GPC5: variants seen among roughly 807,000 people sequenced by gnomAD.
GPC5 encodes the protein glypican 5.
GPC5 carries 47 observed loss-of-function variants against 53.9 expected under a neutral mutation model. The observed-to-expected ratio is 0.87, with a 90% CI of 0.69 to 1.11. The LOEUF (loss-of-function observed/expected upper bound fraction) is 1.11. Among genes scored for constraint, GPC5 ranks in the 50% most tolerant of loss-of-function variants. The pLI, the probability that GPC5 is intolerant of heterozygous loss-of-function variation, is 0.00. For synonymous variants in GPC5, 286 were observed against 263.3 expected (o/e 1.09, Z -0.84); for missense variants, 748 against 713.1 (o/e 1.05, Z -0.56).
intron 6 of GPC5, among the ~76,000 whole-genome samples, chr13:91,963,660 G>A (rs1302123158): frequency 1.3e-5 from 2 of 152,080 alleles, no homozygotes; most frequent in African/African-American, 4.8e-5. Context: ...CAGGAACAGA[G>A]ACAAAAAGAT....
chr13:91,560,063 T>C (rs1594253379), intron 2 of GPC5, among the ~76,000 whole-genome samples: 1 of 148,828 alleles, frequency 6.7e-6, no homozygotes, highest in South Asian at 2.2e-4. Flanking sequence ...AGATATAGGA[T>C]GTTATCTTGT....
intron 5 of GPC5, among the ~76,000 whole-genome samples, chr13:91,887,971 A>G (rs1052448695): frequency 2.0e-5 from 3 of 152,182 alleles, no homozygotes; most frequent in African/African-American, 7.2e-5. Context: ...AGTCGCTGCC[A>G]CATTTTTGGG....
At chr13:91,917,986 T>C (rs771973578) in intron 6 of GPC5, among the ~76,000 whole-genome samples, 2 of 152,224 alleles carry the variant, frequency 1.3e-5, no homozygotes, top group Non-Finnish European at 2.9e-5. Context: ...CCAATTTTAC[T>C]GTATTAGTCT....
At chr13:91,970,234 A>C (rs963094346) in intron 6 of GPC5, among the ~76,000 whole-genome samples, 9 of 152,180 alleles carry the variant, frequency 5.9e-5, no homozygotes, top group African/African-American at 2.2e-4. Flanking sequence ...AACTTATAGA[A>C]ATAGAAGTAG....
intron 7 of GPC5, among the ~76,000 whole-genome samples, chr13:92,274,988 A>G (rs1029369182): frequency 2.0e-5 from 3 of 152,114 alleles, no homozygotes; most frequent in Non-Finnish European, 4.4e-5. Flanking sequence ...TAATGAATAT[A>G]TGATTTATAT....
intron 7 of GPC5, among the ~76,000 whole-genome samples, chr13:92,283,494 A>T (rs530673610): frequency 6.6e-6 from 1 of 152,364 alleles, no homozygotes; most frequent in Non-Finnish European, 1.5e-5. Flanking sequence ...AGTTGGAAGT[A>T]AAGCACTCCT....
At chr13:91,925,158 T>G (rs1178894744) in intron 6 of GPC5, among the ~76,000 whole-genome samples, 1 of 152,126 alleles carries the variant, frequency 6.6e-6, no homozygotes, top group Non-Finnish European at 1.5e-5. Context: ...TTCAAGATAT[T>G]GTAAATTTAA....
intron 1 of GPC5, among the ~76,000 whole-genome samples, chr13:91,409,567 C>A (rs1217018558): frequency 6.6e-6 from 1 of 152,168 alleles, no homozygotes; most frequent in Non-Finnish European, 1.5e-5. Flanking sequence ...TATGACAAAC[C>A]ATGAAAATGT....
chr13:91,757,875 G>A (rs954094871), intron 5 of GPC5, among the ~76,000 whole-genome samples: 5 of 152,020 alleles, frequency 3.3e-5, no homozygotes, highest in Non-Finnish European at 5.9e-5. Context: ...AATTAACTTT[G>A]CTATGATAAA....
chr13:91,572,682 A>G (rs1594275409), intron 2 of GPC5, among the ~76,000 whole-genome samples: 1 of 152,054 alleles, frequency 6.6e-6, no homozygotes, highest in African/African-American at 2.4e-5. Flanking sequence ...ATGACTCAAC[A>G]CCATCCACTA....
At chr13:92,202,650 T>C (rs1260038095) in intron 7 of GPC5, among the ~76,000 whole-genome samples, 1 of 152,216 alleles carries the variant, frequency 6.6e-6, no homozygotes, top group Non-Finnish European at 1.5e-5. Context: ...TGCCCATTTA[T>C]TGAAAATGTA....
At chr13:91,991,690 T>A (rs868436179) in intron 6 of GPC5, among the ~76,000 whole-genome samples, 17 of 152,304 alleles carry the variant, frequency 1.1e-4, no homozygotes, top group African/African-American at 3.8e-4. Context: ...GAACATTTTT[T>A]AATAGGAAAC....
At chr13:92,435,313 A>C (rs1877257509) in intron 7 of GPC5, among the ~76,000 whole-genome samples, 1 of 152,300 alleles carries the variant, frequency 6.6e-6, no homozygotes, top group East Asian at 1.9e-4. Flanking sequence ...ATCAAGACCA[A>C]AAGGGGTTGA....
chr13:91,944,317 C>G (rs1409081716), intron 6 of GPC5, among the ~76,000 whole-genome samples: 1 of 152,046 alleles, frequency 6.6e-6, no homozygotes, highest in Non-Finnish European at 1.5e-5. Context: ...AGGATGGTCT[C>G]GATCTCCTGA....
intron 7 of GPC5, among the ~76,000 whole-genome samples, chr13:92,538,030 A>T (rs1881780592): frequency 6.6e-6 from 1 of 152,096 alleles, no homozygotes; most frequent in African/African-American, 2.4e-5. Context: ...AGGTTAATAC[A>T]TTTCTTTAAA....
chr13:92,287,032 T>C (rs780931003), intron 7 of GPC5, among the ~76,000 whole-genome samples: 1 of 152,158 alleles, frequency 6.6e-6, no homozygotes, highest in Non-Finnish European at 1.5e-5. Flanking sequence ...CTTGGACTTG[T>C]AGCCTCCAGA....
At chr13:91,468,520 A>G (rs1268929651) in intron 2 of GPC5, among the ~76,000 whole-genome samples, 1 of 152,178 alleles carries the variant, frequency 6.6e-6, no homozygotes, top group Non-Finnish European at 1.5e-5. Flanking sequence ...ATATGAGGAC[A>G]GAGGAATGCC....
At chr13:91,979,431 C>T (rs1044274982) in intron 6 of GPC5, among the ~76,000 whole-genome samples, 2 of 152,092 alleles carry the variant, frequency 1.3e-5, no homozygotes, top group African/African-American at 2.4e-5. Context: ...AATGTGTTAT[C>T]ACATGTATTA....
chr13:92,280,290 C>T (rs1230815301), intron 7 of GPC5, among the ~76,000 whole-genome samples: 1 of 152,080 alleles, frequency 6.6e-6, no homozygotes, highest in East Asian at 1.9e-4. Flanking sequence ...TTTTGCTGAT[C>T]TTTTCAAAGA....
Sources: allele counts gnomAD v4.1 joint callset (sites outside exome capture counted in the v4.1 genomes callset), GRCh38; gene constraint gnomAD v4.1.1; transcripts MANE v1.5; gene names NCBI Gene and HGNC (gene_info 2026-07-23, HGNC 2026-07-21).